Variants in ASTN2 observed in about 807,000 individuals in gnomAD.
ASTN2 encodes the protein astrotactin 2, also known as astrotactin-2.
Under a neutral mutation model 139.8 loss-of-function variants are expected in ASTN2, and 54 were observed. The ratio of observed to expected loss-of-function variants is 0.39; its 90% CI spans 0.31 to 0.48. The LOEUF (loss-of-function observed/expected upper bound fraction) is 0.48, where lower values mean the gene tolerates loss of function less well. Among genes scored for constraint, ASTN2 ranks in the 20% least tolerant of loss-of-function variants. The pLI is 0.95. For synonymous variants in ASTN2, 756 were observed against 719.5 expected (o/e 1.05, Z -0.81); for missense variants, 1,565 against 1,725.1 (o/e 0.91, Z 1.64).
chr9:116,436,560 C>T (rs1847655788), intron 22 of ASTN2, among the ~76,000 whole-genome samples: 1 of 152,084 alleles, frequency 6.6e-6, no homozygotes, highest in South Asian at 2.1e-4. Flanking sequence ...TGTAAGTAAA[C>T]ATACAAGCAA....
chr9:116,704,132 G>A (rs1224098918), intron 16 of ASTN2, among the ~76,000 whole-genome samples: 1 of 152,138 alleles, frequency 6.6e-6, no homozygotes, highest in African/African-American at 2.4e-5. Context: ...TTAACTAGCT[G>A]TGTGACCTCA....
chr9:116,999,288 C>T (rs542571404), intron 7 of ASTN2, among the ~76,000 whole-genome samples: 16 of 152,226 alleles, frequency 1.1e-4, no homozygotes, highest in South Asian at 2.1e-4. Context: ...CACTAATTTA[C>T]GGTGTGACAC....
intron 10 of ASTN2, among the ~76,000 whole-genome samples, chr9:116,939,873 A>G (rs1047859043): frequency 5.3e-5 from 8 of 152,234 alleles, no homozygotes; most frequent in Non-Finnish European, 1.2e-4. Flanking sequence ...TGGTGACCCC[A>G]TAGCATGACA....
chr9:117,119,780 CCAATGTGACA>C (rs1829493366), intron 4 of ASTN2, among the ~76,000 whole-genome samples: 4 of 151,806 alleles, frequency 2.6e-5, no homozygotes, highest in Admixed American at 2.6e-4. Context: ...TGAGGGCATC[CCAATGTGACA>C]CAATGTGACA....
intron 17 of ASTN2, among the ~76,000 whole-genome samples, chr9:116,648,222 G>A (rs1857708354): frequency 6.6e-6 from 1 of 152,020 alleles, no homozygotes; most frequent in Non-Finnish European, 1.5e-5. Flanking sequence ...AGCTGGTCTT[G>A]AACTCCTGAC....
At chr9:116,609,965 T>C (rs1470447296) in intron 19 of ASTN2, among the ~76,000 whole-genome samples, 1 of 151,944 alleles carries the variant, frequency 6.6e-6, no homozygotes, top group African/African-American at 2.4e-5. Context: ...AAAAGAGTTA[T>C]TGCTAATAAA....
intron 19 of ASTN2, chr9:116,582,230 A>C (rs1853978712): frequency 6.6e-6 from 1 of 152,214 alleles, no homozygotes; most frequent in African/African-American, 2.4e-5. Flanking sequence ...TATACAATGA[A>C]GGGATTGTAC....
intron 5 of ASTN2, among the ~76,000 whole-genome samples, chr9:117,053,406 C>G (rs1033549327): frequency 6.6e-6 from 1 of 152,016 alleles, no homozygotes; most frequent in African/African-American, 2.4e-5. Context: ...ACGCTATGAT[C>G]GTGCCACTGT....
intron 13 of ASTN2, among the ~76,000 whole-genome samples, chr9:116,775,697 G>A (rs1219579383): frequency 1.5e-5 from 2 of 137,458 alleles, no homozygotes; most frequent in Non-Finnish European, 3.2e-5. Context: ...GAGAAAGGAG[G>A]GAAAGAAGGA....
At chr9:117,178,397 G>A (rs913190652) in intron 3 of ASTN2, among the ~76,000 whole-genome samples, 3 of 152,130 alleles carry the variant, frequency 2.0e-5, no homozygotes, top group Non-Finnish European at 2.9e-5. Context: ...TGGTTTTTGT[G>A]ATGATAACTT....
At chr9:116,757,652 C>T (rs555982242) in intron 13 of ASTN2, among the ~76,000 whole-genome samples, 31 of 152,216 alleles carry the variant, frequency 2.0e-4, no homozygotes, top group African/African-American at 5.5e-4. Context: ...TAGGGCTCAT[C>T]GTCTTATTAC....
chr9:117,029,973 C>T (rs1838201212), intron 6 of ASTN2, among the ~76,000 whole-genome samples: 1 of 151,928 alleles, frequency 6.6e-6, no homozygotes, highest in African/African-American at 2.4e-5. Context: ...AATGAATCAG[C>T]CCACTAATAC....
intron 6 of ASTN2, among the ~76,000 whole-genome samples, chr9:117,011,318 G>C (rs753722850): frequency 1.3e-5 from 2 of 152,192 alleles, no homozygotes; most frequent in Non-Finnish European, 2.9e-5. Flanking sequence ...GTCTTTGGGA[G>C]GTGATTACAT....
At chr9:116,736,182 A>G (rs777847827) in intron 13 of ASTN2, among the ~76,000 whole-genome samples, 22 of 152,244 alleles carry the variant, frequency 1.4e-4, no homozygotes, top group Non-Finnish European at 2.8e-4. Flanking sequence ...AGTTGATTCA[A>G]TCTGATATTT....
intron 1 of ASTN2, among the ~76,000 whole-genome samples, chr9:117,306,042 G>A (rs572111698): frequency 2.1e-3 from 317 of 152,304 alleles, no homozygotes; most frequent in South Asian, 0.017. Context: ...CTGGAAAAAG[G>A]AAAAGATACA....
chr9:117,381,181 T>G (rs1397529876), intron 1 of ASTN2, among the ~76,000 whole-genome samples: 1 of 152,036 alleles, frequency 6.6e-6, no homozygotes. Context: ...ATGTCCAGAA[T>G]AGGAAAATTT....
chr9:117,032,226 G>C (rs1313534507), intron 6 of ASTN2, among the ~76,000 whole-genome samples: 3 of 152,130 alleles, frequency 2.0e-5, no homozygotes, highest in Non-Finnish European at 2.9e-5. Context: ...TTATGCCTTA[G>C]AGATGGGTGA....
chr9:116,483,736 A>C (rs1283062038), intron 20 of ASTN2, among the ~76,000 whole-genome samples: 2 of 152,142 alleles, frequency 1.3e-5, no homozygotes, highest in African/African-American at 4.8e-5. Flanking sequence ...GAAGGGCAGG[A>C]GCTCAGGAGG....
chr9:116,511,892 C>G lies in ASTN2; in HGVS notation c.3356-24392G>C, dbSNP rs188256958. Among the ~76,000 whole-genome samples the G allele has an allele frequency of 7.9e-5, 12 of 152,178 alleles. No homozygotes were observed. In the East Asian group the frequency reaches 2.1e-3, roughly 27 times the overall value. ...TATTGCGTCTATTTGATTCTTCTCT[C>G]TTTTGTTCTTTATGAGTCTTGCTAG... On this transcript the variant is annotated intron_variant, in intron 19 of 22. Transcript: ENST00000313400.
Sources: allele counts gnomAD v4.1 joint callset (sites outside exome capture counted in the v4.1 genomes callset), GRCh38; gene constraint gnomAD v4.1.1; transcripts MANE v1.5; gene names NCBI Gene and HGNC (gene_info 2026-07-23, HGNC 2026-07-21).